The following SPATA6 variants were observed in gnomAD, a reference collection of about 807,000 sequenced individuals.
SPATA6 encodes spermatogenesis associated 6.
In SPATA6, 56 loss-of-function variants were observed where a neutral mutation model predicts 65.3. That is an observed-to-expected ratio of 0.86 (90% CI 0.69 to 1.07). The LOEUF (loss-of-function observed/expected upper bound fraction) is 1.07, where lower values mean the gene tolerates loss of function less well. Ranked by LOEUF, SPATA6 falls within the 50% of genes least tolerant of loss-of-function variation. The pLI, the probability that SPATA6 is intolerant of heterozygous loss-of-function variation, is 0.00. For missense variants in SPATA6, 590 were observed against 594.8 expected (o/e 0.99, Z 0.08); for synonymous variants, 199 against 213.2 (o/e 0.93, Z 0.58).
At chr1:48,275,675 T>A in the SPATA6 span, among the ~76,000 whole-genome samples, 1 of 152,208 alleles carries the variant, frequency 6.6e-6, no homozygotes, top group African/African-American at 2.4e-5. Flanking sequence ...TGGTATGTTT[T>A]TATGTTTAAC....
Position 48,307,346 on chromosome 1 carries a change from T to TTA in SPATA6, c.1195-1470_1195-1469dup, listed in dbSNP as rs1018468739. On this transcript the variant is annotated intron_variant, in intron 11 of 12. Coordinates refer to ENST00000371847, the MANE Select transcript of SPATA6 (RefSeq NM_019073.4). The stretch of plus-strand genomic sequence containing the variant: ...TTTTCAGACTATATTTTGTGATATT[T>TTA]TATATATATATAATTATATATTTAT... Among the ~76,000 whole-genome samples the TTA allele has an allele frequency of 4.3e-4, 64 of 147,972 alleles. No homozygotes were observed. In the East Asian group the frequency reaches 8.4e-3, roughly 19 times the overall value.
At chr1:48,347,095 A>G (rs898874694) in intron 11 of SPATA6, among the ~76,000 whole-genome samples, 2 of 152,124 alleles carry the variant, frequency 1.3e-5, no homozygotes, top group Non-Finnish European at 2.9e-5. Context: ...CCAAAATAGC[A>G]TGGTAGTGGT....
chr1:48,272,651 T>C, the SPATA6 span, among the ~76,000 whole-genome samples: 1 of 152,182 alleles, frequency 6.6e-6, no homozygotes, highest in East Asian at 1.9e-4. Context: ...CATAGTAATA[T>C]AGATACCTCT....
chr1:48,452,443 G>C (rs1656657313), intron 2 of SPATA6, among the ~76,000 whole-genome samples: 1 of 151,096 alleles, frequency 6.6e-6, no homozygotes, highest in Non-Finnish European at 1.5e-5. Flanking sequence ...GAGTGCAGTG[G>C]CGCTATCTCC....
In SPATA6 at chr1:48,369,021, C is replaced by A. The variant is rs886270146; in HGVS notation, c.910-9251G>T. Among the ~76,000 whole-genome samples, 9 of 152,194 alleles carry A rather than the reference C, an allele frequency of 5.9e-5. No homozygotes were observed. In the South Asian group the frequency reaches 1.9e-3, roughly 32 times the overall value. The stretch of plus-strand genomic sequence containing the variant: ...TAGTTTTCCTTCTGACAGACAGGAC[C>A]CTCAGCTGCAGGTCTGTTGGAGTTT... On this transcript the variant is annotated intron_variant, in intron 9 of 12. Transcript: ENST00000371847.
chr1:48,374,664 G>A (rs1173413332), intron 9 of SPATA6, among the ~76,000 whole-genome samples: 1 of 152,054 alleles, frequency 6.6e-6, no homozygotes, highest in African/African-American at 2.4e-5. Context: ...TCTGAATCCT[G>A]GCAAACAGTT....
chr1:48,289,537 A>T, the SPATA6 span, among the ~76,000 whole-genome samples: 1 of 152,182 alleles, frequency 6.6e-6, no homozygotes, highest in Non-Finnish European at 1.5e-5. Flanking sequence ...AGGATCAGTA[A>T]TAACAAACTT....
Position 48,435,824 on chromosome 1 carries a change from G to A in SPATA6, c.238+15728C>T, listed in dbSNP as rs369736873. 424 of 921,896 alleles carry A rather than the reference G, an allele frequency of 4.6e-4. 5 individuals carry two copies. The highest frequency in any genetic ancestry group is 4.5e-3 in the East Asian group (183 of 40,456). 57.1% of individuals were successfully genotyped at this position (921,896 alleles called of 1,614,324 possible). A position where few individuals can be genotyped will look rare whatever the true frequency, so the allele number is the denominator to read the frequency against. On this transcript the variant is annotated intron_variant, in intron 3 of 12. Coordinates refer to ENST00000371847, the MANE Select transcript of SPATA6 (RefSeq NM_019073.4). ...AGGGCTCTGGCGCCCGCCCCTGTCC[G>A]CACCGCTGGCAGCCTGAAGAGAGTC...
chr1:48,323,086 A>T (rs1368386464), intron 11 of SPATA6, among the ~76,000 whole-genome samples: 2 of 152,210 alleles, frequency 1.3e-5, no homozygotes, highest in African/African-American at 4.8e-5. Context: ...TACCCAAAGG[A>T]TTATAAATCA....
At chr1:48,357,246 A>ATAT (rs1557605348) in intron 10 of SPATA6, among the ~76,000 whole-genome samples, 1 of 152,142 alleles carries the variant, frequency 6.6e-6, no homozygotes, top group Admixed American at 6.6e-5. Flanking sequence ...CACAAATTTT[A>ATAT]TATTATAATA....
rs190868028 is a variant in SPATA6 at position 48,452,546 on chromosome 1, G to A, written c.189+448C>T. 1.4e-3 allele frequency among the ~76,000 whole-genome samples: 214 copies of A among 152,138 alleles called. 1 individual carries two copies. The highest frequency in any genetic ancestry group is 3.4e-3 in the Middle Eastern group (1 of 294). On this transcript the variant is annotated intron_variant, in intron 2 of 12. Transcript: ENST00000371847. The stretch of plus-strand genomic sequence containing the variant: ...TTATAGGCAGGTGCCACCACAGCTG[G>A]CTATTTTTTGTATTTTTAGAACAGA...
chr1:48,287,694 C>A, the SPATA6 span, among the ~76,000 whole-genome samples: 2 of 152,194 alleles, frequency 1.3e-5, no homozygotes, highest in African/African-American at 4.8e-5. Flanking sequence ...CTCCCTGAGG[C>A]CCTCACTAGA....
At chr1:48,358,718 A>G (rs1430634247) in intron 10 of SPATA6, among the ~76,000 whole-genome samples, 1 of 152,162 alleles carries the variant, frequency 6.6e-6, no homozygotes, top group Non-Finnish European at 1.5e-5. Flanking sequence ...TAACGATTCC[A>G]TGATCCCCCA....
chr1:48,309,449 G>A (rs1314676102), intron 11 of SPATA6, among the ~76,000 whole-genome samples: 2 of 152,016 alleles, frequency 1.3e-5, no homozygotes, highest in South Asian at 2.1e-4. Context: ...TTCTGAATAT[G>A]TACTTGTCAA....
intron 11 of SPATA6, among the ~76,000 whole-genome samples, chr1:48,320,133 A>C (rs1156502550): frequency 6.6e-6 from 1 of 152,102 alleles, no homozygotes; most frequent in African/African-American, 2.4e-5. Context: ...TCTCAAAAGG[A>C]CAAATCTAAG....
chr1:48,385,184 ATTG>A (rs1649329734), intron 9 of SPATA6, 122 bp downstream of exon 9: 1 of 835,644 alleles, frequency 1.2e-6, no homozygotes. Flanking sequence ...TATGACAATT[ATTG>A]TTTTTACATT....
chr1:48,389,173 T>C (rs749471704), intron 8 of SPATA6, among the ~76,000 whole-genome samples: 2 of 152,004 alleles, frequency 1.3e-5, no homozygotes, highest in East Asian at 1.9e-4. Flanking sequence ...GCATCAACAA[T>C]AGACTAAACC....
intron 9 of SPATA6, among the ~76,000 whole-genome samples, chr1:48,366,414 A>T (rs1238038124): frequency 1.3e-5 from 2 of 152,114 alleles, no homozygotes; most frequent in Non-Finnish European, 2.9e-5. Flanking sequence ...TCGGCTGTGA[A>T]TCCATCTGGT....
intron 3 of SPATA6, among the ~76,000 whole-genome samples, chr1:48,440,590 TAGA>T (rs1655365411): frequency 4.6e-5 from 7 of 152,292 alleles, no homozygotes; most frequent in Admixed American, 4.6e-4. Flanking sequence ...ACCTGTGTTC[TAGA>T]AGGACTAAGG....
Sources: gnomAD v4.1 joint callset for allele counts (sites outside exome capture counted in the v4.1 genomes callset) on GRCh38, gnomAD v4.1.1 for gene constraint, MANE v1.5 for transcripts, NCBI Gene and HGNC (gene_info 2026-07-23, HGNC 2026-07-21) for gene names.